The following REDIC1 variants were observed in gnomAD, a reference collection of about 807,000 sequenced individuals.
The protein encoded by REDIC1 is regulator of DNA class I crossover intermediates 1, also known as HEI10 Interacting Protein 1.
chr12:39,653,521 CT>C, the REDIC1 span, among the ~76,000 whole-genome samples: 1 of 56,596 alleles, frequency 1.8e-5, no homozygotes, highest in African/African-American at 5.1e-5. Context: ...TCTTCTTCTT[CT>C]TCTTCTTCTT....
the REDIC1 span, among the ~76,000 whole-genome samples, chr12:39,714,628 A>G: frequency 1.3e-5 from 2 of 151,832 alleles, no homozygotes; most frequent in Non-Finnish European, 2.9e-5. Context: ...TAGTTCTTTA[A>G]GTAATTTCTA....
the REDIC1 span, among the ~76,000 whole-genome samples, chr12:39,779,851 A>G: frequency 0.011 from 1,610 of 152,368 alleles, 15 homozygotes; most frequent in Non-Finnish European, 0.015. Context: ...TTCCACTGCA[A>G]GAGTGCCTGC....
At chr12:39,704,384 G>A in the REDIC1 span, among the ~76,000 whole-genome samples, 139 of 151,946 alleles carry the variant, frequency 9.1e-4, no homozygotes, top group Non-Finnish European at 1.5e-3. Flanking sequence ...ACCATCTCAC[G>A]CCAGTTAGAA....
chr12:39,646,485 T>C, the REDIC1 span: 1 of 1,544,802 alleles, frequency 6.5e-7, no homozygotes. Flanking sequence ...AGGATTTATA[T>C]TATTAGGTGT....
At chr12:39,812,377 CTTT>C in the REDIC1 span, among the ~76,000 whole-genome samples, 1 of 117,966 alleles carries the variant, frequency 8.5e-6, no homozygotes, top group Admixed American at 8.3e-5. Flanking sequence ...CTTTTCTTTT[CTTT>C]TCTTTCTTTC....
At chr12:39,809,998 T>A in the REDIC1 span, among the ~76,000 whole-genome samples, 1 of 152,202 alleles carries the variant, frequency 6.6e-6, no homozygotes, top group Admixed American at 6.5e-5. Flanking sequence ...GCAGCATGAT[T>A]TATAATCCTT....
At chr12:39,665,333 G>T in the REDIC1 span, among the ~76,000 whole-genome samples, 1 of 151,988 alleles carries the variant, frequency 6.6e-6, no homozygotes, top group African/African-American at 2.4e-5. Flanking sequence ...ATAGGGAATC[G>T]TTTCCCCATT....
chr12:39,647,958 A>G, the REDIC1 span: 3 of 1,560,562 alleles, frequency 1.9e-6, no homozygotes, highest in South Asian at 3.6e-5. Flanking sequence ...CTTGCATATG[A>G]AAAAAAGCAG....
At chr12:39,672,979 C>A in the REDIC1 span, among the ~76,000 whole-genome samples, 1 of 152,106 alleles carries the variant, frequency 6.6e-6, no homozygotes, top group Non-Finnish European at 1.5e-5. Context: ...CCATTCCATT[C>A]TCAGAGCCCA....
chr12:39,895,789 C>T, the REDIC1 span, among the ~76,000 whole-genome samples: 23 of 79,274 alleles, frequency 2.9e-4, 7 homozygotes, highest in East Asian at 7.2e-4. Context: ...TGTATACGTA[C>T]ACACATGTAT....
chr12:39,867,357 A>G, the REDIC1 span, among the ~76,000 whole-genome samples: 24 of 152,224 alleles, frequency 1.6e-4, no homozygotes, highest in Non-Finnish European at 2.8e-4. Context: ...ATATCCAGTA[A>G]GGTCCAATTC....
At chr12:39,800,273 T>C in the REDIC1 span, among the ~76,000 whole-genome samples, 203 of 152,240 alleles carry the variant, frequency 1.3e-3, no homozygotes, top group Middle Eastern at 0.01. Context: ...ATAATATAAA[T>C]AGGAATGCAA....
the REDIC1 span, chr12:39,755,533 A>G: frequency 2.0e-5 from 3 of 152,096 alleles, no homozygotes; most frequent in Non-Finnish European, 4.4e-5. Flanking sequence ...GTAGAATATA[A>G]ATTTCTACTT....
the REDIC1 span, among the ~76,000 whole-genome samples, chr12:39,687,569 G>A: frequency 2.0e-5 from 3 of 152,100 alleles, no homozygotes; most frequent in Non-Finnish European, 2.9e-5. Context: ...GGGATGGTGC[G>A]AAACCATTCA....
chr12:39,747,585 GAT>G, the REDIC1 span, among the ~76,000 whole-genome samples: 2 of 152,102 alleles, frequency 1.3e-5, no homozygotes, highest in Non-Finnish European at 2.9e-5. Context: ...ACGCCACAAA[GAT>G]AACTCCTCGA....
the REDIC1 span, among the ~76,000 whole-genome samples, chr12:39,714,076 TATATACAC>T: frequency 6.7e-6 from 1 of 148,324 alleles, no homozygotes; most frequent in African/African-American, 2.5e-5. Context: ...TATATACGTG[TATATACAC>T]ATATATGTAC....
the REDIC1 span, among the ~76,000 whole-genome samples, chr12:39,818,213 C>T: frequency 6.6e-6 from 1 of 152,014 alleles, no homozygotes; most frequent in African/African-American, 2.4e-5. Flanking sequence ...TCATCTGATT[C>T]CCCCAGTCAT....
the REDIC1 span, among the ~76,000 whole-genome samples, chr12:39,705,719 C>T: frequency 2.0e-5 from 3 of 152,022 alleles, no homozygotes; most frequent in Admixed American, 6.6e-5. Context: ...AACATATGAA[C>T]ATTTCAATTG....
At chr12:39,752,503 G>T in the REDIC1 span, among the ~76,000 whole-genome samples, 2 of 152,080 alleles carry the variant, frequency 1.3e-5, no homozygotes, top group African/African-American at 4.8e-5. Flanking sequence ...CCGCTGTTCT[G>T]GTGGGAGAAA....
Sources: allele counts gnomAD v4.1 joint callset (sites outside exome capture counted in the v4.1 genomes callset), GRCh38; gene constraint gnomAD v4.1.1; transcripts MANE v1.5; gene names NCBI Gene and HGNC (gene_info 2026-07-23, HGNC 2026-07-21).